The following KLHL2 variants were observed in gnomAD, a reference collection of about 807,000 sequenced individuals.
The protein encoded by KLHL2 is kelch-like protein 2.
Under a neutral mutation model 75.8 loss-of-function variants are expected in KLHL2, and 15 were observed. That is an observed-to-expected ratio of 0.20 (90% CI 0.13 to 0.30). KLHL2 has a LOEUF of 0.30. Ranked by LOEUF, KLHL2 falls within the 10% of genes least tolerant of loss-of-function variation. The pLI is 1.00. For missense variants in KLHL2, 381 were observed against 741.0 expected (o/e 0.51, Z 5.64); for synonymous variants, 214 against 251.9 (o/e 0.85, Z 1.42).
intron 4 of KLHL2, among the ~76,000 whole-genome samples, chr4:165,254,550 A>G (rs184179851): frequency 6.8e-4 from 103 of 152,292 alleles, no homozygotes; most frequent in African/African-American, 2.3e-3. Flanking sequence ...TTGTTTTCTA[A>G]GACAGTTGAT....
chr4:165,212,986 A>G (rs1254226366), intron 1 of KLHL2, among the ~76,000 whole-genome samples: 4 of 152,220 alleles, frequency 2.6e-5, no homozygotes, highest in Non-Finnish European at 5.9e-5. Context: ...TCTAAACCCA[A>G]TATATCCAAA....
intron 1 of KLHL2, chr4:165,219,688 GTGT>G (rs1737832175): frequency 1.6e-6 from 2 of 1,268,692 alleles, no homozygotes; most frequent in African/African-American, 3.0e-5. Flanking sequence ...TGAATATTCT[GTGT>G]TGATCTTTGA....
intron 3 of KLHL2, among the ~76,000 whole-genome samples, chr4:165,232,860 G>A (rs1355265127): frequency 7.2e-6 from 1 of 138,710 alleles, no homozygotes; most frequent in African/African-American, 2.7e-5. Context: ...GTTTTTCATG[G>A]TCTGAAACCC....
intron 8 of KLHL2, among the ~76,000 whole-genome samples, chr4:165,305,174 G>A (rs6834112): frequency 0.02 from 2,996 of 151,464 alleles, 65 homozygotes; most frequent in East Asian, 0.11. Flanking sequence ...CTTACTGTCC[G>A]TTTCACTTCA....
At chr4:165,313,147 A>C (rs1009715520) in intron 11 of KLHL2, 91 bp from the exon 12 acceptor site, 33 of 1,338,876 alleles carry the variant, frequency 2.5e-5, no homozygotes, top group Non-Finnish European at 3.4e-5. Flanking sequence ...CATGAAGGAA[A>C]ATATATTAAT....
chr4:165,283,839 G>A (rs1579117649), intron 5 of KLHL2, among the ~76,000 whole-genome samples: 2 of 152,218 alleles, frequency 1.3e-5, no homozygotes, highest in Non-Finnish European at 2.9e-5. Flanking sequence ...GGGCATACAG[G>A]CATTTTCATA....
chr4:165,294,726 C>A (rs1744783178), intron 6 of KLHL2, among the ~76,000 whole-genome samples: 2 of 152,192 alleles, frequency 1.3e-5, no homozygotes, highest in Admixed American at 1.3e-4. Flanking sequence ...TTAGCCACTA[C>A]AGTTTTGTAC....
chr4:165,224,246 T>A (rs1034259461), intron 2 of KLHL2, among the ~76,000 whole-genome samples: 2 of 152,126 alleles, frequency 1.3e-5, no homozygotes, highest in Admixed American at 6.5e-5. Flanking sequence ...AAAAACCTAC[T>A]GTTTTTTAGG....
chr4:165,279,695 G>C, intron 5 of KLHL2: 1 of 1,468,182 alleles, frequency 6.8e-7, no homozygotes, highest in Non-Finnish European at 9.6e-7. Context: ...CCTGGGTGAC[G>C]GCGGCGGGAG....
At chr4:165,305,831 AG>A (rs1339768885) in intron 9 of KLHL2, 106 bp downstream of exon 9, 1 of 786,946 alleles carries the variant, frequency 1.3e-6, no homozygotes, top group African/African-American at 1.7e-5. Context: ...AAAAGCTTTG[AG>A]TAAAATAGCT....
chr4:165,279,345 C>G (rs541479088), intron 5 of KLHL2: 1 of 1,578,326 alleles, frequency 6.3e-7, no homozygotes, highest in East Asian at 2.2e-5. Flanking sequence ...GTTATCTTGT[C>G]CCAGACTACG....
At chr4:165,263,805 GTTTTTTTTTTTT>G (rs55901119) in intron 5 of KLHL2, among the ~76,000 whole-genome samples, 2 of 66,482 alleles carry the variant, frequency 3.0e-5, no homozygotes, top group South Asian at 7.6e-4. Flanking sequence ...TTTTTACATT[GTTTTTTTTTTTT>G]TTTTTTTTTT....
At chr4:165,235,632 T>G (rs1739281628) in intron 3 of KLHL2, among the ~76,000 whole-genome samples, 2 of 152,238 alleles carry the variant, frequency 1.3e-5, no homozygotes, top group African/African-American at 4.8e-5. Context: ...GCTTCATCCC[T>G]GTTCTCAGTG....
intron 9 of KLHL2, among the ~76,000 whole-genome samples, chr4:165,309,565 C>T (rs1037209638): frequency 6.6e-6 from 1 of 152,190 alleles, no homozygotes; most frequent in Non-Finnish European, 1.5e-5. Context: ...AGCTTCTTAT[C>T]TACTGCTATA....
chr4:165,210,078 C>A (rs1356603276), intron 1 of KLHL2: 1 of 1,551,288 alleles, frequency 6.4e-7, no homozygotes, highest in Non-Finnish European at 8.7e-7. Flanking sequence ...CTCAGCTTTT[C>A]ATGAAGTTAG....
chr4:165,318,443 A>G (rs1006991010), intron 14 of KLHL2, among the ~76,000 whole-genome samples: 1 of 152,190 alleles, frequency 6.6e-6, no homozygotes, highest in African/African-American at 2.4e-5. Flanking sequence ...ATAAATGTTA[A>G]TTTTAATAAA....
intron 8 of KLHL2, among the ~76,000 whole-genome samples, chr4:165,303,667 A>G (rs1375816721): frequency 6.6e-6 from 1 of 152,046 alleles, no homozygotes; most frequent in Non-Finnish European, 1.5e-5. Context: ...GGTTCAAGAG[A>G]TTCTCATGCC....
At chr4:165,255,397 A>T (rs1185420459) in intron 4 of KLHL2, among the ~76,000 whole-genome samples, 2 of 151,056 alleles carry the variant, frequency 1.3e-5, no homozygotes, top group Non-Finnish European at 2.9e-5. Flanking sequence ...GGGGAGGGGG[A>T]GGTTGTTTTT....
chr4:165,248,048 G>T (rs1387409517), intron 4 of KLHL2, among the ~76,000 whole-genome samples: 1 of 152,124 alleles, frequency 6.6e-6, no homozygotes, highest in Non-Finnish European at 1.5e-5. Context: ...TTATTCTTAC[G>T]GATTTGCAGA....
Sources: allele counts gnomAD v4.1 joint callset (sites outside exome capture counted in the v4.1 genomes callset), GRCh38; gene constraint gnomAD v4.1.1; transcripts MANE v1.5; gene names NCBI Gene and HGNC (gene_info 2026-07-23, HGNC 2026-07-21).